CACNG7: variants seen among roughly 807,000 people sequenced by gnomAD.
CACNG7 encodes voltage-dependent calcium channel gamma-7 subunit.
A neutral mutation model predicts 26.3 loss-of-function variants in CACNG7; 9 were observed. The observed-to-expected ratio is 0.34, with a 90% CI of 0.21 to 0.60. The LOEUF (loss-of-function observed/expected upper bound fraction) is 0.60, where lower values mean the gene tolerates loss of function less well. Among genes scored for constraint, CACNG7 ranks in the 20% least tolerant of loss-of-function variants. The probability of loss-of-function intolerance (pLI) is 0.81; values close to 1 mark genes in which losing one functional copy is unlikely to be tolerated. For synonymous variants in CACNG7, 170 were observed against 157.0 expected, an observed-to-expected ratio of 1.08 and a Z score of -0.62; for missense variants, 297 against 380.4, an observed-to-expected ratio of 0.78 and a Z score of 1.82.
At chr19:53,923,398 G>C (rs2068983186) in intron 4 of CACNG7, among the ~76,000 whole-genome samples, 1 of 141,190 alleles carries the variant, frequency 7.1e-6, no homozygotes, top group Non-Finnish European at 1.5e-5. Context: ...CCCCAGGTCT[G>C]GTATTGGTGG....
In CACNG7 at chr19:53,942,536, C is replaced by T; in HGVS notation, c.*243C>T. 7.9e-6 allele frequency: 11 copies of T among 1,392,056 alleles called. No individual in the cohort carries two copies. The highest frequency in any genetic ancestry group is 1.0e-5 in the Non-Finnish European group (11 of 1,077,140). 86.2% of individuals were successfully genotyped at this position (1,392,056 alleles called of 1,614,324 possible). A position where few individuals can be genotyped will look rare whatever the true frequency, so the allele number is the denominator to read the frequency against. On this transcript the variant is annotated 3_prime_UTR_variant, in exon 6 of 6. Coordinates refer to ENST00000391767, the MANE Select transcript of CACNG7 (RefSeq NM_031896.5). This position sits in a 1 kb window ranked among gnomAD's most constrained non-coding sequence, Gnocchi z 5.9. ...CCCTCTCACTCCCAAATGACTCCTC[C>T]CCTTCGTTGGCCCGCCCCTTTCCTC...
chr19:53,917,074 A>G (rs991093896), intron 4 of CACNG7, among the ~76,000 whole-genome samples: 45 of 152,210 alleles, frequency 3.0e-4, no homozygotes, highest in African/African-American at 1.1e-3. Flanking sequence ...CTGGGATTAC[A>G]GGCATGAGCC....
intron 4 of CACNG7, among the ~76,000 whole-genome samples, chr19:53,932,252 TAA>T (rs765449244): frequency 0.021 from 1,112 of 53,178 alleles, 12 homozygotes; most frequent in African/African-American, 0.072. Context: ...AGGCCCTGTC[TAA>T]AAAAAAAAAA....
At chr19:53,938,370 G>A (rs1286186925) in intron 4 of CACNG7, among the ~76,000 whole-genome samples, 1 of 152,008 alleles carries the variant, frequency 6.6e-6, no homozygotes, top group African/African-American at 2.4e-5. Context: ...AGTAAAGAAA[G>A]TTAGGTGGTC....
At chr19:53,913,800 A>AAG (rs1006364669) in intron 2 of CACNG7, among the ~76,000 whole-genome samples, 5 of 150,750 alleles carry the variant, frequency 3.3e-5, no homozygotes, top group Non-Finnish European at 7.4e-5. Context: ...AAAAAAAAAA[A>AAG]AAAAAAAAGA....
At chr19:53,922,738 AGTTGTCCCAGGTCTGGTCATTGGTGGG>A (rs1568775615) in intron 4 of CACNG7, among the ~76,000 whole-genome samples, 2 of 57,190 alleles carry the variant, frequency 3.5e-5, no homozygotes, top group African/African-American at 2.0e-4. Context: ...TCATTGGTGG[AGTTGTCCCAGGTCTGGTCATTGGTGGG>A]GTTGTCCCAG....
chr19:53,942,553 C>T lies in CACNG7; in HGVS notation c.*260C>T, dbSNP rs2069145844. ...GACTCCTCCCCTTCGTTGGCCCGCC[C>T]CTTTCCTCTGGCCCCTCCTCTCCAA... is the stretch of plus-strand genomic sequence containing the variant. On this transcript the variant is annotated 3_prime_UTR_variant, in exon 6 of 6. Coordinates refer to ENST00000391767, the MANE Select transcript of CACNG7 (RefSeq NM_031896.5). The surrounding 1 kb of genome is among the most constrained non-coding windows in gnomAD (Gnocchi z 5.9). The T allele has an allele frequency of 3.6e-6, 5 of 1,381,474 alleles. No individual in the cohort carries two copies. The highest frequency in any genetic ancestry group is 4.7e-6 in the Non-Finnish European group (5 of 1,070,888). 85.6% of individuals were successfully genotyped at this position (1,381,474 alleles called of 1,614,324 possible).
intron 4 of CACNG7, among the ~76,000 whole-genome samples, chr19:53,916,342 G>A (rs1304087282): frequency 6.6e-6 from 1 of 151,362 alleles, no homozygotes; most frequent in Admixed American, 6.6e-5. Flanking sequence ...ATAACATGGG[G>A]GTACCAAGGC....
chr19:53,930,730 ACTC>A (rs2069066239), intron 4 of CACNG7, among the ~76,000 whole-genome samples: 1 of 148,798 alleles, frequency 6.7e-6, no homozygotes, highest in Admixed American at 6.6e-5. Flanking sequence ...CTGGTCTTGA[ACTC>A]CTGACCTCAG....
chr19:53,932,442 A>T (rs2069079263), intron 4 of CACNG7, among the ~76,000 whole-genome samples: 1 of 151,658 alleles, frequency 6.6e-6, no homozygotes, highest in Non-Finnish European at 1.5e-5. Flanking sequence ...ACATCATTTG[A>T]TTCACAGATA....
chr19:53,930,223 T>C (rs1241585068), intron 4 of CACNG7, among the ~76,000 whole-genome samples: 3 of 149,280 alleles, frequency 2.0e-5, no homozygotes, highest in Admixed American at 2.0e-4. Context: ...TTTTTTTTTT[T>C]CTTGAGACAG....
intron 4 of CACNG7, among the ~76,000 whole-genome samples, chr19:53,924,817 A>T (rs1482978422): frequency 7.8e-6 from 1 of 127,464 alleles, no homozygotes; most frequent in Non-Finnish European, 1.6e-5. Flanking sequence ...GACTTGCCCC[A>T]GGTCTGGTCA....
chr19:53,921,395 C>CAGGTCTGGTCATTGGTGGAGTTGCCT (rs2068949969), intron 4 of CACNG7, among the ~76,000 whole-genome samples: 5 of 130,030 alleles, frequency 3.8e-5, no homozygotes, highest in East Asian at 4.5e-4. Context: ...TGGAGTTGCC[C>CAGGTCTGGTCATTGGTGGAGTTGCCT]CAGGTCTGGT....
intron 4 of CACNG7, among the ~76,000 whole-genome samples, chr19:53,922,256 C>CTGGTATTGGTGGAGTTGT (rs1423289272): frequency 1.0e-3 from 59 of 58,240 alleles, no homozygotes; most frequent in African/African-American, 5.3e-3. Context: ...GTGGAGTTGT[C>CTGGTATTGGTGGAGTTGT]CCCAGGTCTG....
chr19:53,914,401 C>G (rs746400003), intron 2 of CACNG7, 99 bp from the exon 3 acceptor site: 35 of 928,468 alleles, frequency 3.8e-5, no homozygotes, highest in Middle Eastern at 6.0e-4. Flanking sequence ...CTTGCTCCCC[C>G]ATCCTGGGGT....
chr19:53,914,282 A>AAAAG (rs1336722400), intron 2 of CACNG7, among the ~76,000 whole-genome samples: 4 of 136,232 alleles, frequency 2.9e-5, no homozygotes, highest in African/African-American at 1.2e-4. Context: ...TCAAAAAAAA[A>AAAAG]AAAAAGAAAA....
intron 1 of CACNG7, among the ~76,000 whole-genome samples, chr19:53,911,073 A>ATTTTT (rs3039168): frequency 6.8e-6 from 1 of 146,158 alleles, no homozygotes; most frequent in African/African-American, 2.5e-5. Flanking sequence ...CTCATTCATG[A>ATTTTT]TTTTTTTTTT....
chr19:53,923,875 C>G (rs1157458023), intron 4 of CACNG7, among the ~76,000 whole-genome samples: 1 of 140,454 alleles, frequency 7.1e-6, no homozygotes, highest in South Asian at 2.3e-4. Context: ...GGAGTTGCCC[C>G]AGGCCTGGTC....
At chr19:53,934,144 A>G (rs536618322) in intron 4 of CACNG7, among the ~76,000 whole-genome samples, 3 of 151,966 alleles carry the variant, frequency 2.0e-5, no homozygotes. Context: ...TGATACACCC[A>G]CCTCAGCCTC....
Sources: gnomAD v4.1 joint callset for allele counts (sites outside exome capture counted in the v4.1 genomes callset) on GRCh38, gnomAD v4.1.1 for gene constraint, Gnocchi (gnomAD v3.1) non-coding constraint, MANE v1.5 for transcripts, NCBI Gene and HGNC (gene_info 2026-07-23, HGNC 2026-07-21) for gene names.